ANKFN1: variants seen among roughly 807,000 people sequenced by gnomAD.
ANKFN1 encodes the protein ankyrin repeat and fibronectin type-III domain-containing protein 1.
ANKFN1 carries 74 observed loss-of-function variants against 108.7 expected under a neutral mutation model. The observed-to-expected ratio is 0.68, with a 90% CI of 0.56 to 0.83. The LOEUF (loss-of-function observed/expected upper bound fraction) is 0.83, where lower values mean the gene tolerates loss of function less well. Ranked by LOEUF, ANKFN1 falls within the 40% of genes least tolerant of loss-of-function variation. The probability of loss-of-function intolerance (pLI) is 0.00; values close to 1 mark genes in which losing one functional copy is unlikely to be tolerated. For synonymous variants in ANKFN1, 547 were observed against 516.2 expected, an observed-to-expected ratio of 1.06 and a Z score of -0.81; for missense variants, 1,505 against 1,382.3, an observed-to-expected ratio of 1.09 and a Z score of -1.41.
At chr17:56,244,901 A>G (rs1917848083) in intron 3 of ANKFN1, among the ~76,000 whole-genome samples, 4 of 152,212 alleles carry the variant, frequency 2.6e-5, no homozygotes, top group African/African-American at 9.6e-5. Context: ...GTTCCATTCA[A>G]ATTTCAACAC....
intron 8 of ANKFN1, among the ~76,000 whole-genome samples, chr17:56,435,303 T>C (rs2145135412): frequency 6.6e-6 from 1 of 152,292 alleles, no homozygotes; most frequent in African/African-American, 2.4e-5. Context: ...GAAAGTGATA[T>C]TAATCAGACA....
At chr17:56,283,805 A>AACCCAAAAT (rs2044148989) in intron 3 of ANKFN1, among the ~76,000 whole-genome samples, 1 of 152,084 alleles carries the variant, frequency 6.6e-6, no homozygotes, top group Admixed American at 6.6e-5. Context: ...TGCTCAGGTG[A>AACCCAAAAT]TGGGTGCACC....
At position 56,181,205 on chromosome 17, in the gene ANKFN1, T is replaced by C. The variant is rs148473218; in HGVS notation, c.-71+27675T>C. On this transcript the variant is annotated intron_variant, in intron 1 of 20. Coordinates refer to ENST00000682825, the MANE Select transcript of ANKFN1 (RefSeq NM_001370326.1). ...GCGAAGAAGTTTCATTTTTCTTGCA[T>C]GAATGCCTTTTTATCTGGAAAGTTT... 6.1e-3 allele frequency among the ~76,000 whole-genome samples: 924 copies of C among 152,314 alleles called. 36 individuals are homozygous for C. Among genetic ancestry groups the C allele is most frequent in the Admixed American group, 0.054 (832 of 15,300 alleles).
chr17:56,270,244 C>T (rs950321070), intron 3 of ANKFN1, among the ~76,000 whole-genome samples: 3 of 152,106 alleles, frequency 2.0e-5, no homozygotes, highest in East Asian at 1.9e-4. Context: ...TCCATAGTCA[C>T]GGGGCTTCAC....
At chr17:56,226,600 T>TAC (rs1785843699) in intron 2 of ANKFN1, among the ~76,000 whole-genome samples, 1 of 152,144 alleles carries the variant, frequency 6.6e-6, no homozygotes, top group South Asian at 2.1e-4. Flanking sequence ...GGAGACATCT[T>TAC]ACCCAAGCAA....
chr17:56,195,437 A>G (rs1351498713), intron 1 of ANKFN1: 1 of 152,118 alleles, frequency 6.6e-6, no homozygotes, highest in African/African-American at 2.4e-5. Context: ...ATTTTATTTT[A>G]CACAATCACA....
intron 3 of ANKFN1, among the ~76,000 whole-genome samples, chr17:56,265,008 T>A (rs2043612533): frequency 6.6e-6 from 1 of 152,068 alleles, no homozygotes; most frequent in South Asian, 2.1e-4. Flanking sequence ...TTATACCCAC[T>A]CTGAAAAGTC....
intron 4 of ANKFN1, among the ~76,000 whole-genome samples, chr17:56,129,337 A>G (rs1232078741): frequency 6.6e-6 from 1 of 152,206 alleles, no homozygotes; most frequent in Admixed American, 6.5e-5. Flanking sequence ...AAAGTCAATG[A>G]TACCTATATG....
rs543660204 is a variant in ANKFN1 at position 56,438,995 on chromosome 17, C to T, written c.911-1332C>T. Among the ~76,000 whole-genome samples the T allele has an allele frequency of 4.6e-5, 7 of 152,152 alleles. No individual in the cohort carries two copies. In the South Asian group the frequency reaches 6.2e-4, roughly 14 times the overall value. On this transcript the variant is annotated intron_variant, in intron 8 of 20. Coordinates refer to ENST00000682825, the MANE Select transcript of ANKFN1 (RefSeq NM_001370326.1). ...GTAGAAAGGCAAGTGCAACCAAAAC[C>T]GGGGGAGGGGAATGGTTGCACAAAG... is the stretch of plus-strand genomic sequence containing the variant.
chr17:56,294,630 G>T (rs1310947702), intron 3 of ANKFN1, among the ~76,000 whole-genome samples: 1 of 152,198 alleles, frequency 6.6e-6, no homozygotes, highest in East Asian at 1.9e-4. Context: ...TACCAGAATA[G>T]TTCAAGACAC....
intron 2 of ANKFN1, among the ~76,000 whole-genome samples, chr17:56,218,439 A>G (rs903053172): frequency 6.6e-6 from 1 of 152,024 alleles, no homozygotes; most frequent in Non-Finnish European, 1.5e-5. Flanking sequence ...GGCTGAGATG[A>G]TCTAACTCTT....
At chr17:56,475,646 T>C (rs1390325749) in intron 15 of ANKFN1, among the ~76,000 whole-genome samples, 1 of 152,184 alleles carries the variant, frequency 6.6e-6, no homozygotes, top group Non-Finnish European at 1.5e-5. Flanking sequence ...TATTTGGATA[T>C]AGTTGTGGGG....
At chr17:56,237,189 A>G (rs1306658831) in intron 3 of ANKFN1, among the ~76,000 whole-genome samples, 1 of 152,152 alleles carries the variant, frequency 6.6e-6, no homozygotes, top group East Asian at 1.9e-4. Flanking sequence ...CGTTTGCATC[A>G]ATGTTCATAA....
chr17:56,442,907 C>T lies in ANKFN1; in HGVS notation c.1073C>T (p.Thr358Met), dbSNP rs145617071. 7.8e-5 allele frequency: 126 copies of T among 1,613,772 alleles called. No homozygotes were observed. Among genetic ancestry groups the T allele is most frequent in the Non-Finnish European group, 9.5e-5 (112 of 1,179,744 alleles). Residue 358 changes from threonine (T) to methionine (M), a missense_variant, in exon 10 of 21, where the codon ACG becomes ATG. By Grantham distance (81) the Thr-to-Met change is moderately conservative. Coordinates refer to ENST00000682825, the MANE Select transcript of ANKFN1 (RefSeq NM_001370326.1). ...NMKGWGPAQT[T>M]TPACASPSNW... is the part of the protein sequence containing the mutation. ...AAAGGATGGGGACCTGCTCAGACCA[C>T]GACACCGGCATGTGCCTCTCCTTCT... is the stretch of plus-strand genomic sequence containing the variant.
intron 4 of ANKFN1, among the ~76,000 whole-genome samples, chr17:56,136,002 G>A (rs942147397): frequency 1.3e-5 from 2 of 152,140 alleles, no homozygotes; most frequent in African/African-American, 4.8e-5. Flanking sequence ...TGATAAAAAG[G>A]TATCATTTCA....
At chr17:56,405,520 T>C (rs1026283571) in intron 8 of ANKFN1, among the ~76,000 whole-genome samples, 1 of 152,202 alleles carries the variant, frequency 6.6e-6, no homozygotes, top group Non-Finnish European at 1.5e-5. Context: ...TTTGACCTGG[T>C]AATTCTAAGT....
At chr17:56,444,755 C>G (rs529793947) in intron 10 of ANKFN1, among the ~76,000 whole-genome samples, 2 of 152,262 alleles carry the variant, frequency 1.3e-5, no homozygotes, top group Admixed American at 1.3e-4. Context: ...ATATACAGAG[C>G]CCAGCATTTG....
In ANKFN1 at chr17:56,095,360, T is replaced by C. The variant is rs981186189; in HGVS notation, c.288+49035T>C. ...AGGCTAAAGGGAAGTGTTGGAATCA[T>C]AGCTCAGTGCAACCTTGAACTCCTA... On this transcript the variant is annotated intron_variant, in intron 4 of 12. Transcript: ENST00000635860. 6.6e-5 allele frequency among the ~76,000 whole-genome samples: 10 copies of C among 150,548 alleles called. 1 individual carries two copies. Among genetic ancestry groups the C allele is most frequent in the African/African-American group, 2.4e-4 (10 of 40,982 alleles).
intron 4 of ANKFN1, among the ~76,000 whole-genome samples, chr17:56,088,199 TTAGCACCAGCTAGAAGTG>T (rs1395120704): frequency 1.3e-5 from 2 of 151,410 alleles, no homozygotes; most frequent in African/African-American, 4.9e-5. Context: ...ATCTCGTTTT[TTAGCACCAGCTAGAAGTG>T]TGGCCCTAGC....
Sources: allele counts gnomAD v4.1 joint callset (sites outside exome capture counted in the v4.1 genomes callset), GRCh38; gene constraint gnomAD v4.1.1; transcripts MANE v1.5; gene names NCBI Gene and HGNC (gene_info 2026-07-23, HGNC 2026-07-21).